The following PDSS2 variants were observed in gnomAD, a reference collection of about 807,000 sequenced individuals.
The protein encoded by PDSS2 is decaprenyl diphosphate synthase subunit 2.
PDSS2 carries 31 observed loss-of-function variants against 44.5 expected under a neutral mutation model. The ratio of observed to expected loss-of-function variants is 0.70; its 90% CI spans 0.52 to 0.94. The LOEUF (loss-of-function observed/expected upper bound fraction) is 0.94, where lower values mean the gene tolerates loss of function less well. Among genes scored for constraint, PDSS2 ranks in the 40% least tolerant of loss-of-function variants. The probability of loss-of-function intolerance (pLI) is 0.00; values close to 1 mark genes in which losing one functional copy is unlikely to be tolerated. For synonymous variants in PDSS2, 157 were observed against 180.3 expected, an observed-to-expected ratio of 0.87 and a Z score of 1.03; for missense variants, 452 against 482.2, an observed-to-expected ratio of 0.94 and a Z score of 0.59.
At chr6:107,240,398 C>CTT (rs751073523) in intron 4 of PDSS2, among the ~76,000 whole-genome samples, 7 of 131,014 alleles carry the variant, frequency 5.3e-5, no homozygotes, top group East Asian at 2.3e-4. Flanking sequence ...GAGACCCTAC[C>CTT]TTTTTTTTTT....
chr6:107,355,215 G>A lies in PDSS2; in HGVS notation c.297-20883C>T, dbSNP rs113962487. ...ATTACAGGTGTGAGCCATCACGCCC[G>A]GCCCTTTCTATGCTTCTTACATCAA... On this transcript the variant is annotated intron_variant, in intron 1 of 7. Transcript: ENST00000369037. Among the ~76,000 whole-genome samples, 1,382 of 152,218 alleles carry A rather than the reference G, an allele frequency of 9.1e-3. 17 individuals are homozygous for A. Among genetic ancestry groups the A allele is most frequent in the African/African-American group, 0.029 (1,186 of 41,516 alleles).
intron 7 of PDSS2, among the ~76,000 whole-genome samples, chr6:107,165,005 T>A (rs1254995588): frequency 6.6e-6 from 1 of 152,208 alleles, no homozygotes; most frequent in Non-Finnish European, 1.5e-5. Context: ...GCCCACTTTT[T>A]GATGGGGTTG....
At chr6:107,347,234 C>T (rs1379621363) in intron 1 of PDSS2, among the ~76,000 whole-genome samples, 2 of 149,308 alleles carry the variant, frequency 1.3e-5, no homozygotes, top group African/African-American at 4.9e-5. Context: ...AACTTCCATA[C>T]AATTCCCTAA....
intron 2 of PDSS2, among the ~76,000 whole-genome samples, chr6:107,320,383 A>G (rs1184305414): frequency 6.6e-6 from 1 of 152,242 alleles, no homozygotes; most frequent in Non-Finnish European, 1.5e-5. Context: ...GTGCATAATC[A>G]TTCAAGTATT....
chr6:107,169,465 T>C (rs1771483185), intron 7 of PDSS2, among the ~76,000 whole-genome samples: 1 of 152,196 alleles, frequency 6.6e-6, no homozygotes, highest in Non-Finnish European at 1.5e-5. Flanking sequence ...TCTGAAGCCT[T>C]CTTCTCTCAA....
chr6:107,319,537 T>C (rs1250554377), intron 2 of PDSS2, among the ~76,000 whole-genome samples: 1 of 152,160 alleles, frequency 6.6e-6, no homozygotes, highest in African/African-American at 2.4e-5. Flanking sequence ...ATGAATTTAA[T>C]AAGGGCATTG....
intron 2 of PDSS2, among the ~76,000 whole-genome samples, chr6:107,295,841 T>A (rs1191030968): frequency 2.0e-5 from 3 of 151,614 alleles, no homozygotes; most frequent in Non-Finnish European, 4.4e-5. Context: ...TAATTTTTTT[T>A]AGAGAAAAAA....
chr6:107,363,450 G>A (rs908350451), intron 1 of PDSS2, among the ~76,000 whole-genome samples: 4 of 152,116 alleles, frequency 2.6e-5, no homozygotes, highest in Non-Finnish European at 5.9e-5. Context: ...GCAGACCTTC[G>A]CGGTGAGTGT....
chr6:107,402,556 A>T (rs1331082517), intron 1 of PDSS2, among the ~76,000 whole-genome samples: 10 of 112,786 alleles, frequency 8.9e-5, no homozygotes, highest in East Asian at 5.1e-4. Flanking sequence ...TATATATAAA[A>T]ATATATATAC....
chr6:107,427,821 G>T (rs1781053920), intron 1 of PDSS2, among the ~76,000 whole-genome samples: 1 of 152,054 alleles, frequency 6.6e-6, no homozygotes, highest in Non-Finnish European at 1.5e-5. Context: ...AAAAAAAATG[G>T]TTTGTAGATA....
At chr6:107,242,649 C>T (rs777317183) in intron 4 of PDSS2, among the ~76,000 whole-genome samples, 4 of 152,158 alleles carry the variant, frequency 2.6e-5, no homozygotes, top group Admixed American at 6.5e-5. Context: ...TTCCAGTGAT[C>T]CTCCTGCCTC....
At chr6:107,233,851 C>G (rs1187301436) in intron 4 of PDSS2, among the ~76,000 whole-genome samples, 2 of 151,652 alleles carry the variant, frequency 1.3e-5, no homozygotes, top group Non-Finnish European at 2.9e-5. Flanking sequence ...AAAATAAAGA[C>G]TCCAATGAGA....
intron 1 of PDSS2, 151 bp from the exon 2 acceptor site, chr6:107,334,483 G>C (rs979322150): frequency 2.4e-5 from 17 of 702,634 alleles, no homozygotes; most frequent in Non-Finnish European, 4.0e-5. Context: ...ATTAATGTGA[G>C]GATGCCATGA....
At chr6:107,444,349 C>A (rs921151385) in intron 1 of PDSS2, among the ~76,000 whole-genome samples, 1 of 152,052 alleles carries the variant, frequency 6.6e-6, no homozygotes, top group African/African-American at 2.4e-5. Flanking sequence ...CTATTACTAT[C>A]CTTGATTTAC....
At chr6:107,226,303 C>G (rs900978549) in intron 4 of PDSS2, among the ~76,000 whole-genome samples, 2 of 152,006 alleles carry the variant, frequency 1.3e-5, no homozygotes, top group African/African-American at 4.8e-5. Flanking sequence ...CAAAGCGAGA[C>G]TCCGTCTCAA....
chr6:107,391,730 A>G (rs1172517184), intron 1 of PDSS2, among the ~76,000 whole-genome samples: 1 of 152,056 alleles, frequency 6.6e-6, no homozygotes, highest in East Asian at 1.9e-4. Context: ...AACTGAACCT[A>G]TTACCCTTAG....
chr6:107,163,894 C>T (rs1051211353), intron 7 of PDSS2, among the ~76,000 whole-genome samples: 16 of 152,168 alleles, frequency 1.1e-4, no homozygotes, highest in Admixed American at 6.5e-4. Flanking sequence ...TGAGCCATCA[C>T]GCCCAGCTGA....
chr6:107,326,761 A>G (rs1413103620), intron 2 of PDSS2, among the ~76,000 whole-genome samples: 2 of 151,814 alleles, frequency 1.3e-5, no homozygotes, highest in African/African-American at 4.8e-5. Context: ...CTGAGGCAGG[A>G]GAATCATCTG....
chr6:107,263,200 C>A (rs2114893372), intron 3 of PDSS2, among the ~76,000 whole-genome samples: 1 of 151,448 alleles, frequency 6.6e-6, no homozygotes, highest in African/African-American at 2.4e-5. Flanking sequence ...CGCCTGTAAT[C>A]TCAGCACTTT....
Sources: allele counts gnomAD v4.1 joint callset (sites outside exome capture counted in the v4.1 genomes callset), GRCh38; gene constraint gnomAD v4.1.1; transcripts MANE v1.5; gene names NCBI Gene and HGNC (gene_info 2026-07-23, HGNC 2026-07-21).